Variants in OR51B5 observed in about 807,000 individuals in gnomAD.
OR51B5 encodes the protein olfactory receptor family 51 subfamily B member 5, also known as olfactory receptor 51B5.
For missense variants in OR51B5, 456 were observed against 374.6 expected (o/e 1.22, Z -1.79); for synonymous variants, 186 against 144.8 (o/e 1.28, Z -2.04).
At position 5,413,228 on chromosome 11, in the gene OR51B5, G is replaced by C. The variant is rs1341439466; in HGVS notation, n.85-66318C>G. Among the ~76,000 whole-genome samples, 3 of 152,292 alleles carry C rather than the reference G, an allele frequency of 2.0e-5. No homozygotes were observed. The East Asian group carries it at 5.8e-4, about 29-fold the overall frequency. ...CAACAGACCTGCAGCTGAGGGTCCTGTCTGTTAGAAGGAAAACTAACAAAC... is the reference window on the plus strand; with the variant it reads ...CAACAGACCTGCAGCTGAGGGTCCTCTCTGTTAGAAGGAAAACTAACAAAC... On this transcript the variant is annotated intron_variant and non_coding_transcript_variant, in intron 1 of 4. Coordinates refer to the OR51B5 transcript ENST00000415970.
At chr11:5,363,592 A>G (rs951462560) in intron 1 of OR51B5, among the ~76,000 whole-genome samples, 7 of 152,224 alleles carry the variant, frequency 4.6e-5, no homozygotes, top group Middle Eastern at 3.4e-3. Flanking sequence ...ATGCAGAAAG[A>G]AGATATATTG....
rs61894107 is a variant in OR51B5, at chr11:5,421,146, G to C, written n.85-74236C>G. ...CTGTGAGGACACCAGGGGCAGCAAAGGCTGTCACCACCAGAGTTGATTTAC... is the reference window on the plus strand; with the variant it reads ...CTGTGAGGACACCAGGGGCAGCAAACGCTGTCACCACCAGAGTTGATTTAC... On this transcript the variant is annotated intron_variant and non_coding_transcript_variant, in intron 1 of 4. Coordinates refer to the OR51B5 transcript ENST00000415970. Among the ~76,000 whole-genome samples the C allele has an allele frequency of 0.04, 6,020 of 152,334 alleles. 517 individuals carry two copies. In the East Asian group the frequency reaches 0.4, roughly 10 times the overall value.
At chr11:5,343,603 C>T (rs919948527), upstream of OR51B5, 6 of 586,606 alleles carry the variant, frequency 1.0e-5, no homozygotes, top group African/African-American at 5.6e-5. Context: ...GGTATCACTT[C>T]GACTATATCA....
chr11:5,449,361 T>C (rs1462651221), intron 1 of OR51B5: 2 of 152,236 alleles, frequency 1.3e-5, no homozygotes, highest in East Asian at 3.9e-4. Context: ...CAGTCTCTCT[T>C]CTGGTGAGTT....
chr11:5,374,731 C>G (rs1849497326), intron 1 of OR51B5, among the ~76,000 whole-genome samples: 1 of 152,006 alleles, frequency 6.6e-6, no homozygotes, highest in East Asian at 1.9e-4. Flanking sequence ...GAAAGGGTAT[C>G]AGTGATGGAA....
At chr11:5,341,780 G>T (rs1402005327), downstream of OR51B5, among the ~76,000 whole-genome samples, 7 of 152,196 alleles carry the variant, frequency 4.6e-5, no homozygotes, top group East Asian at 1.3e-3. Flanking sequence ...CACTAATTTG[G>T]ACTAGTCAGC....
intron 1 of OR51B5, among the ~76,000 whole-genome samples, chr11:5,504,200 GA>G (rs1180019540): frequency 2.0e-5 from 3 of 151,740 alleles, no homozygotes; most frequent in South Asian, 2.1e-4. Flanking sequence ...TTTTTTTAAA[GA>G]AAAAAAAGAA....
At chr11:5,381,471 C>A (rs550814896) in intron 1 of OR51B5, among the ~76,000 whole-genome samples, 77 of 152,286 alleles carry the variant, frequency 5.1e-4, no homozygotes, top group African/African-American at 1.7e-3. Context: ...CTCTTGGCCT[C>A]CAGGCTTCAG....
intron 1 of OR51B5, among the ~76,000 whole-genome samples, chr11:5,496,230 A>G (rs1851648681): frequency 6.6e-6 from 1 of 151,866 alleles, no homozygotes; most frequent in Admixed American, 6.6e-5. Flanking sequence ...CCTGTTCCCT[A>G]GGAGTTCTTC....
chr11:5,412,529 T>C (rs551181985), intron 1 of OR51B5, among the ~76,000 whole-genome samples: 22 of 152,328 alleles, frequency 1.4e-4, no homozygotes, highest in Admixed American at 1.2e-3. Flanking sequence ...GGGAGTTCCC[T>C]TTCCTAGTCA....
At chr11:5,470,354 CACAAACTTCA>C (rs1851209398) in intron 1 of OR51B5, among the ~76,000 whole-genome samples, 1 of 152,184 alleles carries the variant, frequency 6.6e-6, no homozygotes, top group African/African-American at 2.4e-5. Context: ...AACAAACAAT[CACAAACTTCA>C]GCAAACCTCT....
chr11:5,436,121 T>C (rs1291007194), intron 1 of OR51B5, among the ~76,000 whole-genome samples: 2 of 152,048 alleles, frequency 1.3e-5, no homozygotes, highest in African/African-American at 2.4e-5. Flanking sequence ...ACGCAAAAAG[T>C]AAAGGGAATT....
chr11:5,422,032 A>G, intron 1 of OR51B5: 1 of 588,170 alleles, frequency 1.7e-6, no homozygotes, highest in East Asian at 2.8e-5. Context: ...GGGCTAAGGA[A>G]AGGATATCAT....
chr11:5,470,329 G>A (rs1209502973), intron 1 of OR51B5, among the ~76,000 whole-genome samples: 1 of 152,184 alleles, frequency 6.6e-6, no homozygotes, highest in African/African-American at 2.4e-5. Flanking sequence ...AATTTTGGGA[G>A]TTACTATCGT....
At chr11:5,442,950 T>C (rs533382249) in intron 1 of OR51B5, among the ~76,000 whole-genome samples, 1 of 152,324 alleles carries the variant, frequency 6.6e-6, no homozygotes, top group South Asian at 2.1e-4. Flanking sequence ...TTGTCCACAA[T>C]TGTATTTCTT....
intron 1 of OR51B5, among the ~76,000 whole-genome samples, chr11:5,488,236 C>T (rs187177054): frequency 3.9e-5 from 6 of 152,112 alleles, no homozygotes; most frequent in African/African-American, 1.2e-4. Flanking sequence ...ATTACCAAGA[C>T]CAGTTTAGAA....
At chr11:5,454,050 G>T (rs1044082858) in intron 1 of OR51B5, 4 of 1,614,104 alleles carry the variant, frequency 2.5e-6, no homozygotes, top group Middle Eastern at 1.6e-4. Context: ...GATGAGGCTT[G>T]CCTGTGCTGA....
chr11:5,435,039 G>A (rs1373728813), intron 1 of OR51B5, among the ~76,000 whole-genome samples: 4 of 152,150 alleles, frequency 2.6e-5, no homozygotes, highest in Admixed American at 2.6e-4. Context: ...AGGTGGTGGG[G>A]AACAGGGGTT....
chr11:5,411,792 G>A (rs988902958), intron 1 of OR51B5, among the ~76,000 whole-genome samples: 2 of 152,200 alleles, frequency 1.3e-5, no homozygotes, highest in African/African-American at 4.8e-5. Flanking sequence ...AGGCAGAAGT[G>A]TACCAGAGAA....
Sources: gnomAD v4.1 joint callset for allele counts (sites outside exome capture counted in the v4.1 genomes callset) on GRCh38, gnomAD v4.1.1 for gene constraint, MANE v1.5 for transcripts, NCBI Gene and HGNC (gene_info 2026-07-23, HGNC 2026-07-21) for gene names.